EYS: variants seen among roughly 807,000 people sequenced by gnomAD.
EYS encodes the protein protein eyes shut homolog.
A neutral mutation model predicts 282.1 loss-of-function variants in EYS; 250 were observed. That is an observed-to-expected ratio of 0.89 (90% CI 0.80 to 0.98). EYS has a LOEUF of 0.98. Ranked by LOEUF, EYS falls within the 50% of genes least tolerant of loss-of-function variation. EYS has a pLI of 0.00. For synonymous variants in EYS, 1,355 were observed against 1,282.9 expected (o/e 1.06, Z -1.20); for missense variants, 4,016 against 3,709.0 (o/e 1.08, Z -2.15).
intron 5 of EYS, among the ~76,000 whole-genome samples, chr6:65,452,895 A>G (rs1260795258): frequency 6.6e-6 from 1 of 152,072 alleles, no homozygotes; most frequent in Non-Finnish European, 1.5e-5. Flanking sequence ...GTAACAGGCA[A>G]TCAATCTGAT....
At chr6:64,682,196 C>T (rs573665257) in intron 22 of EYS, among the ~76,000 whole-genome samples, 6 of 152,226 alleles carry the variant, frequency 3.9e-5, no homozygotes, top group Admixed American at 3.9e-4. Context: ...AATCCTGTCT[C>T]TACTAAAAAT....
intron 2 of EYS, among the ~76,000 whole-genome samples, chr6:65,564,441 A>G (rs1393331646): frequency 1.3e-5 from 2 of 152,174 alleles, no homozygotes; most frequent in Non-Finnish European, 2.9e-5. Flanking sequence ...GAGCAATGGA[A>G]CAGAACAGAG....
intron 31 of EYS, among the ~76,000 whole-genome samples, chr6:64,171,382 T>G (rs1764474892): frequency 1.3e-5 from 2 of 152,188 alleles, no homozygotes; most frequent in South Asian, 4.1e-4. Context: ...ATAATGATCT[T>G]GAATTCAGGC....
chr6:64,775,666 G>A (rs921882373), intron 22 of EYS, among the ~76,000 whole-genome samples: 2 of 151,904 alleles, frequency 1.3e-5, no homozygotes, highest in African/African-American at 4.8e-5. Context: ...ACCTATAGCA[G>A]TTGGAAGTCA....
intron 12 of EYS, among the ~76,000 whole-genome samples, chr6:65,215,938 T>G (rs1422479775): frequency 6.6e-6 from 1 of 152,304 alleles, no homozygotes; most frequent in Non-Finnish European, 1.5e-5. Flanking sequence ...TACTGTGGAC[T>G]TAACAGAATA....
chr6:64,439,244 C>A lies in EYS; in HGVS notation c.5753G>T (p.Gly1918Val). The change falls in exon 27 of 43, where the codon GGA (glycine) becomes GTA (valine). Residue 1918 changes from glycine to valine, a missense_variant. Transcript: ENST00000503581. The stretch of plus-strand genomic sequence containing the variant: ...GTCTTGCTTGACATACAGCAGAAGT[C>A]CATAGGAGCTGAAGGTCTGAAATTC... The part of the protein sequence containing the change: ...SLEFQTFSSY[G>V]LLLYVKQDSN... 1 of 1,513,538 alleles carries A rather than the reference C, an allele frequency of 6.6e-7. No homozygotes were observed. The highest frequency in any genetic ancestry group is 8.8e-7 in the Non-Finnish European group (1 of 1,130,930). The allele number at this position is 1,513,538 out of a possible 1,614,324, so 93.8% of individuals were successfully genotyped here.
At chr6:63,955,127 G>A (rs1161566360) in intron 35 of EYS, among the ~76,000 whole-genome samples, 1 of 152,020 alleles carries the variant, frequency 6.6e-6, no homozygotes, top group Non-Finnish European at 1.5e-5. Context: ...CACAGGGTCT[G>A]AGAAGGCCAG....
At chr6:64,149,330 GCA>G (rs1172537708) in intron 31 of EYS, among the ~76,000 whole-genome samples, 2 of 152,130 alleles carry the variant, frequency 1.3e-5, no homozygotes, top group Non-Finnish European at 1.5e-5. Flanking sequence ...ACATCAATAG[GCA>G]GCTACACTGC....
intron 40 of EYS, among the ~76,000 whole-genome samples, chr6:63,764,111 A>G (rs1769723511): frequency 6.6e-6 from 1 of 151,676 alleles, no homozygotes; most frequent in South Asian, 2.1e-4. Flanking sequence ...AGAGCCAGAG[A>G]GCAATAAACC....
intron 31 of EYS, among the ~76,000 whole-genome samples, chr6:64,145,480 A>G (rs914660195): frequency 6.0e-5 from 9 of 150,422 alleles, no homozygotes; most frequent in Non-Finnish European, 1.3e-4. Context: ...ACTTTATTTT[A>G]TTACTCTCTT....
chr6:65,122,693 T>C lies in EYS; in HGVS notation c.2024-64966A>G, dbSNP rs144046737. ...AATAATTAAACATTTATTGAAGTTA[T>C]AAAAAGTGAGAAAAAATATAATTTT... On this transcript the variant is annotated intron_variant, in intron 12 of 42. Coordinates refer to ENST00000503581, the MANE Select transcript of EYS (RefSeq NM_001142800.2). 1.8e-4 allele frequency among the ~76,000 whole-genome samples: 27 copies of C among 152,222 alleles called. No homozygotes were observed. The East Asian group carries it at 4.2e-3, about 24-fold the overall frequency.
At chr6:65,646,528 G>A (rs150623324) in intron 1 of EYS, among the ~76,000 whole-genome samples, 2,122 of 152,088 alleles carry the variant, frequency 0.014, 24 homozygotes, top group Non-Finnish European at 0.02. Flanking sequence ...ATACCTTAAG[G>A]TAATAAAAAC....
chr6:64,285,198 AC>A (rs1183185367), intron 30 of EYS, among the ~76,000 whole-genome samples: 1 of 150,132 alleles, frequency 6.7e-6, no homozygotes. Context: ...ATGCTTTATC[AC>A]TTAGAAATTT....
intron 28 of EYS, among the ~76,000 whole-genome samples, chr6:64,395,843 C>T (rs143526586): frequency 1.3e-5 from 2 of 151,314 alleles, no homozygotes; most frequent in African/African-American, 4.8e-5. Context: ...ATAAAAGACA[C>T]CTACATAGCA....
Position 65,057,724 on chromosome 6 carries a change from G to C in EYS, c.2027C>G (p.Thr676Arg). The C allele has an allele frequency of 6.5e-7, 1 of 1,537,372 alleles. No homozygotes were observed. The highest frequency in any genetic ancestry group is 8.8e-7 in the Non-Finnish European group (1 of 1,135,268). Residue 676 changes from threonine to arginine, a missense_variant, in exon 13 of 43, where the codon ACG (threonine) becomes AGG (arginine). Physicochemically the swap from Thr to Arg is moderately conservative, Grantham distance 71 (BLOSUM62 -1). Transcript: ENST00000503581. ...CTCATCTATATCAATTTCACATTGC[G>C]TACCTTTGGAAAATAGGAAAAAAAA... ...FRKCVPGFKGTQCEIDIDECA... is the reference protein window; with the variant it reads ...FRKCVPGFKGRQCEIDIDECA...
Position 64,285,181 on chromosome 6 carries a change from C to T in EYS, c.6191+21789G>A, listed in dbSNP as rs116534210. Among the ~76,000 whole-genome samples the T allele has an allele frequency of 6.5e-3, 996 of 152,196 alleles. 6 individuals carry two copies. The highest frequency in any genetic ancestry group is 0.01 in the Non-Finnish European group (683 of 68,006). ...ATTCCTTTAACAACACCAAAATCAC[C>T]TCTTGAATGCTTTATCACTTAGAAA... On this transcript the variant is annotated intron_variant, in intron 30 of 42. Transcript: ENST00000503581.
At chr6:65,491,362 T>C (rs1167194286) in intron 4 of EYS, 6 of 307,840 alleles carry the variant, frequency 1.9e-5, no homozygotes, top group Non-Finnish European at 3.2e-5. Context: ...AATACCTTAG[T>C]AGAGGAATGT....
intron 35 of EYS, among the ~76,000 whole-genome samples, chr6:63,937,034 A>G (rs1451194530): frequency 6.6e-6 from 1 of 152,226 alleles, no homozygotes; most frequent in African/African-American, 2.4e-5. Context: ...GGTACTGCCT[A>G]GGAGAGAGAA....
intron 8 of EYS, among the ~76,000 whole-genome samples, chr6:65,378,500 GA>G (rs1202447926): frequency 6.6e-6 from 1 of 152,112 alleles, no homozygotes; most frequent in Non-Finnish European, 1.5e-5. Flanking sequence ...TCTGGAACTA[GA>G]AATAACATTT....
Sources: gnomAD v4.1 joint callset for allele counts (sites outside exome capture counted in the v4.1 genomes callset) on GRCh38, gnomAD v4.1.1 for gene constraint, MANE v1.5 for transcripts, NCBI Gene and HGNC (gene_info 2026-07-23, HGNC 2026-07-21) for gene names.